ZNF878: variants seen among roughly 807,000 people sequenced by gnomAD.
ZNF878 encodes the protein zinc finger protein 878.
In ZNF878, 10 loss-of-function variants were observed where a neutral mutation model predicts 11.1. The observed-to-expected ratio is 0.90, with a 90% CI of 0.56 to 1.53. ZNF878 has a LOEUF of 1.53. ZNF878 is among the 40% of genes most tolerant of loss of function. The probability of loss-of-function intolerance (pLI) is 0.00; values close to 1 mark genes in which losing one functional copy is unlikely to be tolerated. For synonymous variants in ZNF878, 165 were observed against 209.7 expected, an observed-to-expected ratio of 0.79 and a Z score of 1.84; for missense variants, 548 against 626.1, an observed-to-expected ratio of 0.88 and a Z score of 1.33.
intron 3 of ZNF878, chr19:12,046,113 G>C: frequency 2.4e-6 from 1 of 413,666 alleles, no homozygotes; most frequent in Admixed American, 4.0e-5. Context: ...TGTGGCCCAG[G>C]CTGCCCTCCA....
At chr19:12,051,764 G>A (rs1176466760) in intron 1 of ZNF878, among the ~76,000 whole-genome samples, 4 of 152,080 alleles carry the variant, frequency 2.6e-5, no homozygotes, top group African/African-American at 7.2e-5. Context: ...AAAATTAGCC[G>A]GGCGTGGTGG....
intron 3 of ZNF878, among the ~76,000 whole-genome samples, chr19:12,045,780 G>A (rs1036447025): frequency 1.3e-5 from 2 of 152,052 alleles, no homozygotes; most frequent in African/African-American, 4.8e-5. Flanking sequence ...AGGCTGGAGT[G>A]CAGTGGCACC....
At chr19:12,052,711 G>A (rs1235253524) in intron 1 of ZNF878, 88 bp downstream of exon 1, 1 of 1,495,106 alleles carries the variant, frequency 6.7e-7, no homozygotes, top group Non-Finnish European at 9.0e-7. Context: ...GTCGCTGCAG[G>A]GGGGCCCGGG....
At position 12,046,440 on chromosome 19, in the gene ZNF878, A is replaced by G; in HGVS notation, c.131-12T>C. On this transcript the variant is annotated splice_polypyrimidine_tract_variant and intron_variant, in intron 2 of 3. Transcript: ENST00000547628. ...GTTCCATTTTTTTCCTAAAATGCGG[A>G]CCCAGAAAAATAGTCCTGAATTAGT... 3.2e-6 allele frequency: 5 copies of G among 1,573,234 alleles called. No individual in the cohort carries two copies. The highest frequency in any genetic ancestry group is 4.3e-6 in the Non-Finnish European group (5 of 1,159,398).
rs1975565348 is a variant in ZNF878, at chr19:12,052,903, T to C, written c.-102A>G. On this transcript the variant is annotated 5_prime_UTR_variant, in exon 1 of 4. Coordinates refer to ENST00000547628, the MANE Select transcript of ZNF878 (RefSeq NM_001080404.3). ...CAACAGCAGCTACGGCGGAAGTAAC[T>C]GGTCCCTCTCGGAGCAAGAAAGCCC... The C allele has an allele frequency of 8.0e-6, 12 of 1,496,246 alleles. No individual in the cohort carries two copies. The highest frequency in any genetic ancestry group is 1.1e-5 in the Non-Finnish European group (12 of 1,113,216). 92.7% of individuals were successfully genotyped at this position (1,496,246 alleles called of 1,614,324 possible).
Position 12,048,848 on chromosome 19 carries a change from GAAAAGA to G in ZNF878, c.4-2094_4-2089del, listed in dbSNP as rs894229053. ...ACTCTGTCTCAAAAAAAAAAAAAAA[GAAAAGA>G]AAAAGAAAAGAAAAGAAAGAAAGGC... On this transcript the variant is annotated intron_variant, in intron 1 of 3. Transcript: ENST00000547628. Among the ~76,000 whole-genome samples, 8 of 140,812 alleles carry G rather than the reference GAAAAGA, an allele frequency of 5.7e-5. No individual in the cohort carries two copies. In the East Asian group the frequency reaches 1.0e-3, roughly 18 times the overall value. The allele number at this position is 140,812 out of a possible 152,430, so 92.4% of individuals were successfully genotyped here.
downstream of ZNF878, chr19:12,043,723 C>G (rs567975882): frequency 9.8e-6 from 13 of 1,324,420 alleles, no homozygotes; most frequent in African/African-American, 1.5e-4. Flanking sequence ...TTACAGGTGT[C>G]TCTGCAGTGA....
intron 3 of ZNF878, among the ~76,000 whole-genome samples, chr19:12,045,876 C>T (rs544637203): frequency 1.6e-4 from 25 of 151,846 alleles, no homozygotes; most frequent in African/African-American, 4.6e-4. Context: ...CGCACCACCA[C>T]GCCCAGCTAA....
intron 1 of ZNF878, among the ~76,000 whole-genome samples, chr19:12,050,931 A>G (rs939325063): frequency 6.6e-6 from 1 of 151,302 alleles, no homozygotes; most frequent in African/African-American, 2.4e-5. Context: ...CGTCTCTACT[A>G]AAAAATACAA....
intron 1 of ZNF878, among the ~76,000 whole-genome samples, chr19:12,047,291 G>A (rs1010978682): frequency 6.6e-6 from 1 of 152,054 alleles, no homozygotes; most frequent in Non-Finnish European, 1.5e-5. Context: ...GGCCAGGCAC[G>A]GTGGCTCATG....
At chr19:12,051,498 G>A (rs1000196831) in intron 1 of ZNF878, among the ~76,000 whole-genome samples, 7 of 151,852 alleles carry the variant, frequency 4.6e-5, no homozygotes, top group African/African-American at 1.7e-4. Context: ...TGGCTGGAGT[G>A]CAGTGGGGCA....
chr19:12,047,732 C>G (rs1282563375), intron 1 of ZNF878, among the ~76,000 whole-genome samples: 2 of 151,682 alleles, frequency 1.3e-5, no homozygotes, highest in Non-Finnish European at 2.9e-5. Context: ...CCAAGGCGGG[C>G]AGATCACCTG....
At chr19:12,047,538 T>G (rs1007146881) in intron 1 of ZNF878, among the ~76,000 whole-genome samples, 1 of 151,142 alleles carries the variant, frequency 6.6e-6, no homozygotes, top group African/African-American at 2.4e-5. Flanking sequence ...CACTCCAGCC[T>G]GGGTGACAGA....
downstream of ZNF878, chr19:12,043,671 G>A (rs960291062): frequency 1.2e-4 from 102 of 835,144 alleles, no homozygotes; most frequent in East Asian, 2.7e-3. Flanking sequence ...AACCTCTTCA[G>A]CTTAAGCAAT....
At chr19:12,050,625 C>CTTT (rs2145527775) in intron 1 of ZNF878, among the ~76,000 whole-genome samples, 1 of 152,276 alleles carries the variant, frequency 6.6e-6, no homozygotes, top group East Asian at 1.9e-4. Context: ...TCTTTCTTAC[C>CTTT]TATATTGTTT....
chr19:12,051,416 ATTTC>A (rs548283198), intron 1 of ZNF878, among the ~76,000 whole-genome samples: 39 of 151,748 alleles, frequency 2.6e-4, no homozygotes, highest in East Asian at 5.8e-4. Context: ...CGATAATTAA[ATTTC>A]TTTGTTTTTT....
At chr19:12,046,503 A>G (rs1290473653) in intron 2 of ZNF878, 75 bp from the exon 3 acceptor site, 13 of 1,557,622 alleles carry the variant, frequency 8.3e-6, no homozygotes, top group African/African-American at 1.4e-5. Context: ...TTCTATGTCC[A>G]TGGCTCATTG....
chr19:12,046,256 G>A, intron 3 of ZNF878, 112 bp downstream of exon 3: 3 of 814,656 alleles, frequency 3.7e-6, no homozygotes, highest in Non-Finnish European at 5.7e-6. Flanking sequence ...GCTTTTCTAA[G>A]AATAAATACA....
chr19:12,045,762 C>G (rs1239981058), intron 3 of ZNF878, among the ~76,000 whole-genome samples: 2 of 152,050 alleles, frequency 1.3e-5, no homozygotes, highest in Non-Finnish European at 2.9e-5. Context: ...AAGTCTCACT[C>G]TGTCGTCAGG....
Sources: gnomAD v4.1 joint callset for allele counts (sites outside exome capture counted in the v4.1 genomes callset) on GRCh38, gnomAD v4.1.1 for gene constraint, MANE v1.5 for transcripts, NCBI Gene and HGNC (gene_info 2026-07-23, HGNC 2026-07-21) for gene names.